The following TGDS variants were observed in gnomAD, a reference collection of about 807,000 sequenced individuals.
The protein encoded by TGDS is TDP-glucose 4,6-dehydratase, also known as UDP-D-glucose 4,6-dehydratase.
In TGDS, 47 loss-of-function variants were observed where a neutral mutation model predicts 52.3. That is an observed-to-expected ratio of 0.90 (90% CI 0.71 to 1.15). The LOEUF (loss-of-function observed/expected upper bound fraction) is 1.15. Ranked by LOEUF, TGDS falls within the 50% of genes most tolerant of loss-of-function variation. The pLI, the probability that TGDS is intolerant of heterozygous loss-of-function variation, is 0.00. For synonymous variants in TGDS, 115 were observed against 136.9 expected, an observed-to-expected ratio of 0.84 and a Z score of 1.12; for missense variants, 375 against 418.4, an observed-to-expected ratio of 0.90 and a Z score of 0.90.
upstream of TGDS, chr13:94,596,204 G>A (rs1889378632): frequency 2.7e-6 from 4 of 1,502,432 alleles, no homozygotes; most frequent in African/African-American, 1.4e-5. Context: ...GTTCCGCCGC[G>A]ACCTTTTGCG....
chr13:94,579,637 TA>T (rs1888718920), intron 7 of TGDS: 1 of 314,574 alleles, frequency 3.2e-6, no homozygotes, highest in South Asian at 6.4e-5. Flanking sequence ...TATTTTCACA[TA>T]TATCATTCTC....
At chr13:94,579,498 T>C (rs1387980792) in intron 7 of TGDS, 1 of 155,670 alleles carries the variant, frequency 6.4e-6, no homozygotes, top group Non-Finnish European at 1.4e-5. Flanking sequence ...CTTGCATCAC[T>C]ATCTAGCTAG....
At chr13:94,577,101 CAAA>C (rs34410018) in intron 10 of TGDS, among the ~76,000 whole-genome samples, 3 of 103,628 alleles carry the variant, frequency 2.9e-5, no homozygotes, top group East Asian at 2.7e-4. Context: ...ATTCTGTCTC[CAAA>C]AAAAAAAAAA....
At chr13:94,589,749 T>G (rs1383256940) in intron 4 of TGDS, among the ~76,000 whole-genome samples, 1 of 152,098 alleles carries the variant, frequency 6.6e-6, no homozygotes, top group African/African-American at 2.4e-5. Flanking sequence ...TACACAGCAC[T>G]GAAATTGGCA....
intron 4 of TGDS, among the ~76,000 whole-genome samples, chr13:94,588,152 T>C (rs1368915251): frequency 6.6e-6 from 1 of 152,008 alleles, no homozygotes; most frequent in Non-Finnish European, 1.5e-5. Context: ...ACGCCTGTAA[T>C]CCCAGCACTT....
rs748047100 is a variant in TGDS, at chr13:94,574,874, CA to C, written c.983-23del. ...TCAACTAATAGGAAAAAACAAAAGA[CA>C]AAAAAAAAAAAGAAAAGAAAGAAAA... is the stretch of plus-strand genomic sequence containing the variant. On this transcript the variant is annotated intron_variant, in intron 11 of 11. Transcript: ENST00000261296. 0.089 allele frequency: 77,731 copies of C among 874,594 alleles called. 10 individuals carry two copies. Among genetic ancestry groups the C allele is most frequent in the South Asian group, 0.16 (7,303 of 45,542 alleles). The allele number at this position is 874,594 out of a possible 1,614,324, so 54.2% of individuals were successfully genotyped here.
At chr13:94,583,481 T>C (rs1349332498) in intron 4 of TGDS, among the ~76,000 whole-genome samples, 1 of 152,190 alleles carries the variant, frequency 6.6e-6, no homozygotes, top group Non-Finnish European at 1.5e-5. Flanking sequence ...TTTTTTATTC[T>C]ATAAGGAAGA....
At chr13:94,585,340 G>A (rs960947258) in intron 4 of TGDS, among the ~76,000 whole-genome samples, 51 of 152,070 alleles carry the variant, frequency 3.4e-4, no homozygotes, top group African/African-American at 1.2e-3. Context: ...GAGCCACTGC[G>A]CCTGGCTGGA....
At chr13:94,583,035 A>T in intron 5 of TGDS, 59 bp downstream of exon 5, 9 of 1,571,294 alleles carry the variant, frequency 5.7e-6, no homozygotes, top group Non-Finnish European at 7.8e-6. Flanking sequence ...GTGTAGGTTT[A>T]ATAAAACTGT....
intron 1 of TGDS, 30 bp downstream of exon 1, chr13:94,596,021 C>T (rs1471829514): frequency 1.2e-6 from 2 of 1,613,414 alleles, no homozygotes; most frequent in Non-Finnish European, 1.7e-6. Flanking sequence ...TCTGGGGAGC[C>T]ACTGCTTGGC....
At chr13:94,586,825 C>G (rs1466531359) in intron 4 of TGDS, among the ~76,000 whole-genome samples, 1 of 141,284 alleles carries the variant, frequency 7.1e-6, no homozygotes, top group Admixed American at 7.7e-5. Flanking sequence ...GGGGTGCGAT[C>G]TCAGCTCACT....
At position 94,578,212 on chromosome 13, in the gene TGDS, G is replaced by A. The variant is rs760806001; in HGVS notation, c.660-42C>T. 5 of 1,595,266 alleles carry A rather than the reference G, an allele frequency of 3.1e-6. No individual in the cohort carries two copies. The Admixed American group carries it at 6.8e-5, about 22-fold the overall frequency. On this transcript the variant is annotated intron_variant, in intron 8 of 11. Transcript: ENST00000261296. Reference sequence around the variant, plus strand: ...AAGTGAAATCATAAAGTGTAAAAAGGTAAACTCTCCTAAAGCATTGACTGG... The same window carrying A: ...AAGTGAAATCATAAAGTGTAAAAAGATAAACTCTCCTAAAGCATTGACTGG...
intron 4 of TGDS, among the ~76,000 whole-genome samples, chr13:94,587,562 C>A (rs1476920460): frequency 6.6e-6 from 1 of 152,114 alleles, no homozygotes; most frequent in Non-Finnish European, 1.5e-5. Flanking sequence ...GAGGAAAAGT[C>A]AAGTCTTTTC....
chr13:94,583,421 A>G (rs1311510982), intron 4 of TGDS, among the ~76,000 whole-genome samples, 185 bp from the exon 5 acceptor site: 2 of 152,228 alleles, frequency 1.3e-5, no homozygotes, highest in African/African-American at 4.8e-5. Flanking sequence ...ATTACATAGT[A>G]CATGTAAATT....
chr13:94,590,294 C>T (rs1163198165), intron 4 of TGDS, among the ~76,000 whole-genome samples: 1 of 150,108 alleles, frequency 6.7e-6, no homozygotes, highest in African/African-American at 2.4e-5. Flanking sequence ...ATACAGACAA[C>T]AAAAGTGTAG....
chr13:94,588,421 CAAAAAAAAAAAAAAA>C (rs150186125), intron 4 of TGDS, among the ~76,000 whole-genome samples: 62 of 58,494 alleles, frequency 1.1e-3, no homozygotes, highest in African/African-American at 3.8e-3. Flanking sequence ...GACTCTGTCT[CAAAAAAAAAAAAAAA>C]AAAAAAAAAA....
chr13:94,589,586 T>C (rs754474108), intron 4 of TGDS, among the ~76,000 whole-genome samples: 3 of 152,110 alleles, frequency 2.0e-5, no homozygotes, highest in Non-Finnish European at 4.4e-5. Flanking sequence ...AGTTCTGGGA[T>C]TACAGGCGTG....
chr13:94,596,144 C>A lies in TGDS; in HGVS notation c.-8G>T. 6.2e-7 allele frequency: 1 copy of A among 1,613,744 alleles called. No homozygotes were observed. ...CCAACACGCCGCCGACATCTCCCAGCTCAGCAGTGCCTAGTACCGTAAAGA... is the reference window on the plus strand; with the variant it reads ...CCAACACGCCGCCGACATCTCCCAGATCAGCAGTGCCTAGTACCGTAAAGA... On this transcript the variant is annotated 5_prime_UTR_variant, in exon 1 of 12. Coordinates refer to ENST00000261296, the MANE Select transcript of TGDS (RefSeq NM_014305.4).
intron 5 of TGDS, 97 bp downstream of exon 5, chr13:94,582,997 T>C (rs1888852290): frequency 3.9e-6 from 5 of 1,287,500 alleles, no homozygotes; most frequent in Non-Finnish European, 5.4e-6. Flanking sequence ...GCCACAAGTG[T>C]ATATAATTTG....
Sources: allele counts gnomAD v4.1 joint callset (sites outside exome capture counted in the v4.1 genomes callset), GRCh38; gene constraint gnomAD v4.1.1; transcripts MANE v1.5; gene names NCBI Gene and HGNC (gene_info 2026-07-23, HGNC 2026-07-21).